Variants in FMO3 observed in about 807,000 individuals in gnomAD.
The protein encoded by FMO3 is flavin-containing monooxygenase 3.
Under a neutral mutation model 39.4 loss-of-function variants are expected in FMO3, and 40 were observed. The ratio of observed to expected loss-of-function variants is 1.02; its 90% confidence interval spans 0.79 to 1.32. FMO3 has a LOEUF of 1.32. Among genes scored for constraint, FMO3 ranks in the 40% most tolerant of loss-of-function variants. The pLI is 0.00. For synonymous variants in FMO3, 219 were observed against 228.8 expected (o/e 0.96, Z 0.39); for missense variants, 680 against 651.8 (o/e 1.04, Z -0.47).
chr1:171,110,724 G>A, intron 5 of FMO3, 74 bp from the exon 6 acceptor site: 1 of 1,333,072 alleles, frequency 7.5e-7, no homozygotes, highest in South Asian at 1.2e-5. Context: ...TTCCTCAAGA[G>A]GGATCTGGGG....
intron 2 of FMO3, among the ~76,000 whole-genome samples, chr1:171,095,379 T>C (rs1468401086): frequency 1.3e-5 from 2 of 152,180 alleles, no homozygotes; most frequent in Admixed American, 6.5e-5. Flanking sequence ...CTTCATGTGT[T>C]GCCAAACAGC....
chr1:171,117,332 A>G lies in FMO3; in HGVS notation c.1489A>G (p.Met497Val). The change falls in exon 9 of 9, where the codon ATG becomes GTG. Residue 497 changes from methionine (M) to valine (V), a missense_variant. By Grantham distance (21) the Met-to-Val change is conservative. Transcript: ENST00000367755. ...LTQWDRSLKP[M>V]QTRVVGRLQK... ...CCAGTGGGACCGGTCGTTGAAACCC[A>G]TGCAGACACGAGTGGTCGGGAGACT... The G allele has an allele frequency of 6.2e-7, 1 of 1,613,872 alleles. No individual in the cohort carries two copies. Among genetic ancestry groups the G allele is most frequent in the Non-Finnish European group, 8.5e-7 (1 of 1,179,792 alleles).
intron 2 of FMO3, chr1:171,101,106 A>AG (rs1326324715): frequency 2.2e-6 from 1 of 456,058 alleles, no homozygotes; most frequent in Non-Finnish European, 4.4e-6. Flanking sequence ...GGCGTACAAG[A>AG]GGGGTCTTGC....
intron 2 of FMO3, among the ~76,000 whole-genome samples, chr1:171,096,359 A>C (rs1655052528): frequency 1.1e-5 from 1 of 88,926 alleles, no homozygotes; most frequent in South Asian, 4.3e-4. Context: ...AAATATATAA[A>C]AATATATATA....
chr1:171,114,021 AG>A lies in FMO3; in HGVS notation c.843del (p.Glu281AspfsTer19), dbSNP rs1656027739. The A allele has an allele frequency of 6.2e-7, 1 of 1,607,182 alleles. No individual in the cohort carries two copies. The highest frequency in any genetic ancestry group is 8.5e-7 in the Non-Finnish European group (1 of 1,175,014). Reference sequence around the variant, plus strand: ...TTTCCATACAGAGTCCTGAGGAAAGAGCCTGTATTTAACGATGAGCTCCCAG... The same window carrying A: ...TTTCCATACAGAGTCCTGAGGAAAGACCTGTATTTAACGATGAGCTCCCAG... ...LMPLNGVLRK[E>X]PVFNDELPAS... On this transcript the variant is annotated frameshift_variant, in exon 7 of 9. Transcript: ENST00000367755. LOFTEE classifies it high-confidence loss of function.
Position 171,092,572 on chromosome 1 carries a change from G to A in FMO3, c.-6-81G>A, listed in dbSNP as rs149842095. On this transcript the variant is annotated intron_variant, in intron 1 of 8. Coordinates refer to ENST00000367755, the MANE Select transcript of FMO3 (RefSeq NM_001002294.3). Reference sequence around the variant, plus strand: ...TAAAGTTTTTATTAAGCCAAAGAGCGAAATCAAAATAAATAGATAAATAAG... The same window carrying A: ...TAAAGTTTTTATTAAGCCAAAGAGCAAAATCAAAATAAATAGATAAATAAG... 565 of 1,539,372 alleles carry A rather than the reference G, an allele frequency of 3.7e-4. 4 individuals carry two copies. The highest frequency in any genetic ancestry group is 3.2e-3 in the Admixed American group (189 of 59,570).
At chr1:171,112,278 C>T (rs1487340303) in intron 6 of FMO3, among the ~76,000 whole-genome samples, 1 of 152,176 alleles carries the variant, frequency 6.6e-6, no homozygotes, top group Non-Finnish European at 1.5e-5. Flanking sequence ...CTACAGCAGG[C>T]ATCTGAGCAA....
At chr1:171,093,961 A>G (rs769008733) in intron 2 of FMO3, among the ~76,000 whole-genome samples, 9 of 148,766 alleles carry the variant, frequency 6.0e-5, no homozygotes, top group Non-Finnish European at 1.3e-4. Flanking sequence ...CAGCCTCCCG[A>G]GTAGCTGGGG....
intron 1 of FMO3, among the ~76,000 whole-genome samples, chr1:171,092,133 G>A (rs998379777): frequency 6.6e-6 from 1 of 152,040 alleles, no homozygotes; most frequent in Non-Finnish European, 1.5e-5. Flanking sequence ...GAGAGCTGAT[G>A]ACTAAAAACA....
At chr1:171,108,636 G>C (rs1399840886) in intron 5 of FMO3, among the ~76,000 whole-genome samples, 1 of 152,126 alleles carries the variant, frequency 6.6e-6, no homozygotes, top group Non-Finnish European at 1.5e-5. Context: ...TTTTGAACAA[G>C]ACTTAAGCAA....
intron 6 of FMO3, among the ~76,000 whole-genome samples, chr1:171,112,417 A>G (rs1655951459): frequency 6.6e-6 from 1 of 152,204 alleles, no homozygotes; most frequent in African/African-American, 2.4e-5. Context: ...AACCTGAATC[A>G]GAGGGGATGT....
chr1:171,101,308 G>A (rs1571210871), intron 2 of FMO3: 1 of 435,672 alleles, frequency 2.3e-6, no homozygotes, highest in African/African-American at 2.0e-5. Context: ...TAACTTTGTG[G>A]TAATTTATTA....
rs200985584 is a variant in FMO3, at chr1:171,116,274, G to T, written c.1250G>T (p.Arg417Leu). ...NDINEKMEKK[R>L]KWFGKSETIQ... Reference sequence around the variant, plus strand: ...ATTAATGAGAAAATGGAGAAAAAGCGCAAATGGTAAGAGTACCTATTGTAA... The same window carrying T: ...ATTAATGAGAAAATGGAGAAAAAGCTCAAATGGTAAGAGTACCTATTGTAA... The change falls in exon 8 of 9, where the codon CGC (arginine) becomes CTC (leucine). Residue 417 changes from arginine to leucine, a missense_variant. Transcript: ENST00000367755. 2 of 1,570,772 alleles carry T rather than the reference G, an allele frequency of 1.3e-6. No individual in the cohort carries two copies. Among genetic ancestry groups the T allele is most frequent in the Non-Finnish European group, 1.8e-6 (2 of 1,141,318 alleles).
At chr1:171,116,106 A>G in intron 7 of FMO3, 102 bp from the exon 8 acceptor site, 1 of 750,438 alleles carries the variant, frequency 1.3e-6, no homozygotes. Flanking sequence ...GAAAATGAAC[A>G]CCAATTAATG....
Position 171,114,338 on chromosome 1 carries a change from C to T in FMO3, c.1159C>T (p.Arg387Cys), listed in dbSNP as rs145526965. 20 of 1,613,454 alleles carry T rather than the reference C, an allele frequency of 1.2e-5. No individual in the cohort carries two copies. The highest frequency in any genetic ancestry group is 4.4e-5 in the South Asian group (4 of 91,056). ...AAIPTVDLQS[R>C]WAAQVIKGTC... ...CATTCCCACAGTTGACCTCCAGTCC[C>T]GCTGGGCAGCACAAGTAATAAAGGG... Residue 387 changes from arginine to cysteine, a missense_variant, in exon 7 of 9, where the codon CGC becomes TGC. Arg to Cys is a radical substitution (Grantham distance 180). Transcript: ENST00000367755.
At chr1:171,094,468 G>A (rs1164298570) in intron 2 of FMO3, among the ~76,000 whole-genome samples, 1 of 151,978 alleles carries the variant, frequency 6.6e-6, no homozygotes, top group Non-Finnish European at 1.5e-5. Flanking sequence ...TTTTTAGATT[G>A]TCTATTTTTA....
At chr1:171,096,132 A>G (rs1249246836) in intron 2 of FMO3, among the ~76,000 whole-genome samples, 3 of 79,520 alleles carry the variant, frequency 3.8e-5, no homozygotes, top group Non-Finnish European at 6.3e-5. Flanking sequence ...ATAATATAGT[A>G]ATTATTATAT....
rs1557942208 is a variant in FMO3 at position 171,108,152 on chromosome 1, T to A, written c.558T>A (p.Arg186=). 6.2e-7 allele frequency: 1 copy of A among 1,613,976 alleles called. No individual in the cohort carries two copies. The highest frequency in any genetic ancestry group is 1.1e-5 in the South Asian group (1 of 91,078). ...AACCAGGTGTATTCAATGGAAAGCGTGTCCTGGTGGTTGGCCTGGGGAATT... is the reference window on the plus strand; with the variant it reads ...AACCAGGTGTATTCAATGGAAAGCGAGTCCTGGTGGTTGGCCTGGGGAATT... ...YKEPGVFNGK[R]VLVVGLGNSG... The change falls in exon 5 of 9, where the codon CGT becomes CGA. Residue 186 remains arginine, a synonymous_variant. Transcript: ENST00000367755.
intron 3 of FMO3, among the ~76,000 whole-genome samples, chr1:171,104,425 A>G: frequency 6.6e-6 from 1 of 152,170 alleles, no homozygotes; most frequent in Middle Eastern, 3.4e-3. Flanking sequence ...AAAATGAAAA[A>G]GTTTAAAAAT....
Sources: gnomAD v4.1 joint callset for allele counts (sites outside exome capture counted in the v4.1 genomes callset) on GRCh38, gnomAD v4.1.1 for gene constraint, MANE v1.5 for transcripts, NCBI Gene and HGNC (gene_info 2026-07-23, HGNC 2026-07-21) for gene names.